TMTC1: variants seen among roughly 807,000 people sequenced by gnomAD.
TMTC1 encodes the protein protein O-mannosyl-transferase TMTC1.
In TMTC1, 73 loss-of-function variants were observed where a neutral mutation model predicts 104.8. That is an observed-to-expected ratio of 0.70 (90% CI 0.58 to 0.85). The LOEUF is 0.85. TMTC1 is among the 40% of genes least tolerant of loss of function. TMTC1 has a pLI of 0.00. For missense variants in TMTC1, 1,035 were observed against 1,096.1 expected (o/e 0.94, Z 0.79); for synonymous variants, 434 against 428.7 (o/e 1.01, Z -0.15).
chr12:29,691,240 A>G (rs1026864504), intron 5 of TMTC1, among the ~76,000 whole-genome samples: 19 of 152,174 alleles, frequency 1.2e-4, no homozygotes, highest in Admixed American at 1.0e-3. Context: ...TTGATGCACC[A>G]GCTGACACCA....
At chr12:29,520,318 G>A (rs1250519824) in intron 12 of TMTC1, among the ~76,000 whole-genome samples, 1 of 152,044 alleles carries the variant, frequency 6.6e-6, no homozygotes, top group African/African-American at 2.4e-5. Context: ...TCATCATCAT[G>A]GATTTATAAA....
At chr12:29,697,569 G>A (rs942165835) in intron 5 of TMTC1, among the ~76,000 whole-genome samples, 11 of 151,692 alleles carry the variant, frequency 7.3e-5, no homozygotes, top group Non-Finnish European at 1.5e-4. Flanking sequence ...ATGTGATTAT[G>A]GAGGCTAGAA....
At chr12:29,545,051 A>G (rs1186597835) in intron 10 of TMTC1, among the ~76,000 whole-genome samples, 1 of 152,202 alleles carries the variant, frequency 6.6e-6, no homozygotes, top group East Asian at 1.9e-4. Context: ...TGTCTGGCAC[A>G]TAGTAGGAGG....
intron 7 of TMTC1, among the ~76,000 whole-genome samples, chr12:29,585,999 G>A (rs907865321): frequency 5.3e-5 from 8 of 152,188 alleles, no homozygotes; most frequent in African/African-American, 1.9e-4. Context: ...GCTTGATGGG[G>A]ATGGCATTGA....
intron 9 of TMTC1, among the ~76,000 whole-genome samples, chr12:29,557,981 G>T (rs548071798): frequency 9.2e-5 from 14 of 152,086 alleles, no homozygotes; most frequent in African/African-American, 3.4e-4. Context: ...AAACCCAAAG[G>T]TACGATGAAG....
chr12:29,502,503 G>C lies in TMTC1; in HGVS notation c.*4343C>G, dbSNP rs1943615718. The C allele has an allele frequency of 6.6e-6, 1 of 152,010 alleles. No individual in the cohort carries two copies. The highest frequency in any genetic ancestry group is 1.5e-5 in the Non-Finnish European group (1 of 67,978). The allele number at this position is 152,010 out of a possible 1,614,324, so 9.4% of individuals were successfully genotyped here. A position where few individuals can be genotyped will look rare whatever the true frequency, so the allele number is the denominator to read the frequency against. On this transcript the variant is annotated 3_prime_UTR_variant, in exon 18 of 18. Transcript: ENST00000539277. ...TCATATATATACTGGCACTTAGTCT[G>C]GTACATGCAAATTTCAAGGCAATTC... is the stretch of plus-strand genomic sequence containing the variant.
intron 5 of TMTC1, among the ~76,000 whole-genome samples, chr12:29,704,228 A>G (rs1941679689): frequency 6.6e-6 from 1 of 152,220 alleles, no homozygotes; most frequent in Non-Finnish European, 1.5e-5. Flanking sequence ...ACATAGTAGT[A>G]CCATGGTATT....
At chr12:29,701,002 T>C (rs1484637211) in intron 5 of TMTC1, among the ~76,000 whole-genome samples, 2 of 151,994 alleles carry the variant, frequency 1.3e-5, no homozygotes, top group East Asian at 3.9e-4. Flanking sequence ...TTAAGCAAAC[T>C]TCCCAATTCC....
intron 5 of TMTC1, among the ~76,000 whole-genome samples, chr12:29,709,849 T>C (rs781604537): frequency 1.1e-4 from 16 of 152,314 alleles, no homozygotes; most frequent in South Asian, 6.2e-4. Flanking sequence ...ACCTGTAGGA[T>C]AGGTTTCTTG....
intron 5 of TMTC1, among the ~76,000 whole-genome samples, chr12:29,702,214 A>G (rs925140629): frequency 3.3e-5 from 5 of 152,212 alleles, no homozygotes; most frequent in Non-Finnish European, 4.4e-5. Flanking sequence ...TTCTAATATG[A>G]AACATTACAC....
At chr12:29,780,579 T>C (rs1229984121) in intron 1 of TMTC1, among the ~76,000 whole-genome samples, 1 of 152,234 alleles carries the variant, frequency 6.6e-6, no homozygotes, top group Non-Finnish European at 1.5e-5. Context: ...AATTGTTCCG[T>C]ATCTTGACTG....
intron 7 of TMTC1, among the ~76,000 whole-genome samples, chr12:29,601,580 A>G (rs1946565914): frequency 6.6e-6 from 1 of 152,094 alleles, no homozygotes; most frequent in Non-Finnish European, 1.5e-5. Flanking sequence ...GAATACTAAG[A>G]TGTTCCTATC....
chr12:29,563,741 G>A (rs1945437674), intron 9 of TMTC1, among the ~76,000 whole-genome samples: 1 of 152,178 alleles, frequency 6.6e-6, no homozygotes, highest in African/African-American at 2.4e-5. Context: ...GTTTTCACAA[G>A]CATGTATAAA....
At chr12:29,576,555 T>A (rs1408855198) in intron 8 of TMTC1, among the ~76,000 whole-genome samples, 1 of 152,188 alleles carries the variant, frequency 6.6e-6, no homozygotes, top group East Asian at 1.9e-4. Flanking sequence ...TGATCTTACC[T>A]ATATGTGAAA....
intron 6 of TMTC1, among the ~76,000 whole-genome samples, chr12:29,607,208 G>A (rs745604388): frequency 1.2e-4 from 19 of 152,204 alleles, no homozygotes; most frequent in Non-Finnish European, 2.6e-4. Context: ...AATTACGTGT[G>A]TATCTGGGTG....
At chr12:29,537,953 T>C (rs1438193845) in intron 10 of TMTC1, among the ~76,000 whole-genome samples, 5 of 152,140 alleles carry the variant, frequency 3.3e-5, no homozygotes, top group Non-Finnish European at 7.3e-5. Flanking sequence ...ATGAAGCAAA[T>C]ATTTATCATT....
At chr12:29,760,927 T>C (rs1262460449) in intron 2 of TMTC1, among the ~76,000 whole-genome samples, 3 of 148,134 alleles carry the variant, frequency 2.0e-5, no homozygotes, top group South Asian at 4.2e-4. Flanking sequence ...TCTATATTTA[T>C]TATTCATTCT....
At chr12:29,600,211 C>T (rs956819256) in intron 7 of TMTC1, among the ~76,000 whole-genome samples, 2 of 151,842 alleles carry the variant, frequency 1.3e-5, no homozygotes, top group African/African-American at 4.8e-5. Context: ...AGTGCTCTGA[C>T]ACATCCACGG....
intron 5 of TMTC1, among the ~76,000 whole-genome samples, chr12:29,667,277 G>T (rs775603741): frequency 1.3e-5 from 2 of 152,094 alleles, no homozygotes; most frequent in Non-Finnish European, 1.5e-5. Flanking sequence ...TTCAAATAAA[G>T]ATTCTGAAGG....
Sources: gnomAD v4.1 joint callset for allele counts (sites outside exome capture counted in the v4.1 genomes callset) on GRCh38, gnomAD v4.1.1 for gene constraint, MANE v1.5 for transcripts, NCBI Gene and HGNC (gene_info 2026-07-23, HGNC 2026-07-21) for gene names.